The following PARD3 variants were observed in gnomAD, a reference collection of about 807,000 sequenced individuals.
The protein encoded by PARD3 is par-3 family cell polarity regulator, also known as partitioning defective 3 homolog.
Under a neutral mutation model 155.4 loss-of-function variants are expected in PARD3, and 75 were observed. That is an observed-to-expected ratio of 0.48 (90% CI 0.40 to 0.58). The LOEUF is 0.58. PARD3 is among the 20% of genes least tolerant of loss of function. The pLI, the probability that PARD3 is intolerant of heterozygous loss-of-function variation, is 0.00. For synonymous variants in PARD3, 576 were observed against 610.5 expected (o/e 0.94, Z 0.83); for missense variants, 1,642 against 1,721.7 (o/e 0.95, Z 0.82).
At position 34,476,342 on chromosome 10, in the gene PARD3, G is replaced by A. The variant is rs74132023; in HGVS notation, c.404-6079C>T. 7.5e-3 allele frequency among the ~76,000 whole-genome samples: 1,139 copies of A among 152,234 alleles called. 12 individuals are homozygous for A. Among genetic ancestry groups the A allele is most frequent in the African/African-American group, 0.026 (1,069 of 41,536 alleles). On this transcript the variant is annotated intron_variant, in intron 3 of 24. Transcript: ENST00000374788. ...GGTAAAGAATACATTTGGTGCCACCGTCTTGATTTGTGCCAAGTGATCTCT... is the reference window on the plus strand; with the variant it reads ...GGTAAAGAATACATTTGGTGCCACCATCTTGATTTGTGCCAAGTGATCTCT...
At chr10:34,483,636 T>C (rs2079246286) in intron 3 of PARD3, among the ~76,000 whole-genome samples, 1 of 152,150 alleles carries the variant, frequency 6.6e-6, no homozygotes, top group Non-Finnish European at 1.5e-5. Context: ...CCAGATAGAA[T>C]GTAAGACCCA....
intron 1 of PARD3, among the ~76,000 whole-genome samples, chr10:34,768,630 G>A (rs1838431595): frequency 6.6e-6 from 1 of 152,122 alleles, no homozygotes; most frequent in Non-Finnish European, 1.5e-5. Flanking sequence ...AGTGATTTTG[G>A]GGCCCCCAAG....
At chr10:34,262,670 C>T (rs1955086784) in intron 22 of PARD3, among the ~76,000 whole-genome samples, 1 of 152,204 alleles carries the variant, frequency 6.6e-6, no homozygotes, top group African/African-American at 2.4e-5. Context: ...GACGTTCAAG[C>T]TGCCCTATTT....
At chr10:34,382,014 AAAGAC>A (rs974466695) in intron 9 of PARD3, among the ~76,000 whole-genome samples, 2 of 152,002 alleles carry the variant, frequency 1.3e-5, no homozygotes, top group African/African-American at 4.8e-5. Flanking sequence ...CAAGAAAACA[AAAGAC>A]AAGAGTCAAT....
chr10:34,731,099 T>A (rs112469445), intron 1 of PARD3, among the ~76,000 whole-genome samples: 2,985 of 141,180 alleles, frequency 0.021, 99 homozygotes, highest in African/African-American at 0.071. Flanking sequence ...TATAATCATC[T>A]GTTGAATACG....
At chr10:34,716,228 G>T (rs1344168952) in intron 1 of PARD3, among the ~76,000 whole-genome samples, 1 of 152,104 alleles carries the variant, frequency 6.6e-6, no homozygotes, top group Non-Finnish European at 1.5e-5. Context: ...AAGAAATTAT[G>T]GTACATGGTG....
chr10:34,806,128 T>G (rs1434989612), intron 1 of PARD3, among the ~76,000 whole-genome samples: 1 of 151,064 alleles, frequency 6.6e-6, no homozygotes, highest in East Asian at 2.0e-4. Flanking sequence ...ACTCCTGAGC[T>G]CAAGCAATCC....
rs1437136945 is a variant in PARD3, at chr10:34,741,180, T to TTTTTTTTTTG, written c.121-44762_121-44761insCAAAAAAAAA. ...CTGTGTTTTCGTAAACCAAATTTTT[T>TTTTTTTTTTG]TTTTTTTTTTTTTTGTTTGAGAGAG... is the stretch of plus-strand genomic sequence containing the variant. On this transcript the variant is annotated intron_variant, in intron 1 of 24. Coordinates refer to ENST00000374788, the MANE Select transcript of PARD3 (RefSeq NM_001184785.2). Among the ~76,000 whole-genome samples, 5 of 133,912 alleles carry TTTTTTTTTTG rather than the reference T, an allele frequency of 3.7e-5. No individual in the cohort carries two copies. The East Asian group carries it at 8.8e-4, about 24-fold the overall frequency. The allele number at this position is 133,912 out of a possible 152,430, so 87.9% of individuals were successfully genotyped here.
chr10:34,300,365 G>A (rs950103782), intron 20 of PARD3, among the ~76,000 whole-genome samples: 4 of 152,114 alleles, frequency 2.6e-5, no homozygotes, highest in African/African-American at 7.2e-5. Context: ...TCCTAAAAAG[G>A]TAATTTTGGC....
At position 34,111,073 on chromosome 10, in the gene PARD3, T is replaced by C. The variant is rs1946359254; in HGVS notation, c.*96A>G. 6.0e-6 allele frequency: 8 copies of C among 1,333,548 alleles called. No homozygotes were observed. Among genetic ancestry groups the C allele is most frequent in the Non-Finnish European group, 8.2e-6 (8 of 976,142 alleles). The allele number at this position is 1,333,548 out of a possible 1,614,324, so 82.6% of individuals were successfully genotyped here. ...TGATACCAACAACAGAAATACTCCA[T>C]AGTACCATCGAGGTTTTAAAAAAAC... On this transcript the variant is annotated 3_prime_UTR_variant, in exon 25 of 25. Transcript: ENST00000374788.
chr10:34,413,142 T>TACACACACAC lies in PARD3; in HGVS notation c.715-11226_715-11225insGTGTGTGTGT, dbSNP rs1336586740. 1.3e-3 allele frequency among the ~76,000 whole-genome samples: 170 copies of TACACACACAC among 132,544 alleles called. 2 individuals carry two copies. The highest frequency in any genetic ancestry group is 4.0e-3 in the African/African-American group (153 of 38,408). The allele number at this position is 132,544 out of a possible 152,430, so 87.0% of individuals were successfully genotyped here. A position where few individuals can be genotyped will look rare whatever the true frequency, so the allele number is the denominator to read the frequency against. On this transcript the variant is annotated intron_variant, in intron 5 of 24. Transcript: ENST00000374788. ...AACATTAGGCAGTACTTCAGATATATATACACACACACACACACACACACA... is the reference window on the plus strand; with the variant it reads ...AACATTAGGCAGTACTTCAGATATATACACACACACATACACACACACACACACACACACA...
intron 1 of PARD3, among the ~76,000 whole-genome samples, chr10:34,814,155 G>A (rs1384783251): frequency 5.3e-5 from 8 of 152,188 alleles, no homozygotes; most frequent in African/African-American, 1.9e-4. Flanking sequence ...CCAAGGTTGT[G>A]CTTTCCAGAG....
At chr10:34,794,582 T>C (rs1842047598) in intron 1 of PARD3, among the ~76,000 whole-genome samples, 2 of 152,194 alleles carry the variant, frequency 1.3e-5, no homozygotes, top group East Asian at 1.9e-4. Flanking sequence ...GGGGTACTAC[T>C]GCTTATGGAC....
chr10:34,253,771 A>G (rs1954472201), intron 22 of PARD3, among the ~76,000 whole-genome samples: 1 of 152,196 alleles, frequency 6.6e-6, no homozygotes, highest in African/African-American at 2.4e-5. Context: ...TAAAGTGTTC[A>G]TCATATTTAA....
chr10:34,322,853 T>A (rs192606064), intron 19 of PARD3, among the ~76,000 whole-genome samples: 104 of 152,278 alleles, frequency 6.8e-4, no homozygotes, highest in Non-Finnish European at 1.2e-3. Flanking sequence ...TTAGGAATAC[T>A]TAGTAATAGG....
intron 22 of PARD3, among the ~76,000 whole-genome samples, chr10:34,209,545 T>C (rs767061491): frequency 3.3e-5 from 5 of 152,182 alleles, no homozygotes; most frequent in Admixed American, 2.6e-4. Context: ...TAACACCTTT[T>C]ATAAATGGAG....
intron 3 of PARD3, among the ~76,000 whole-genome samples, chr10:34,497,456 G>A (rs61841109): frequency 0.024 from 3,648 of 152,260 alleles, 71 homozygotes; most frequent in Non-Finnish European, 0.034. Context: ...ATCTGCAGGA[G>A]TTCCTGGAAC....
intron 3 of PARD3, among the ~76,000 whole-genome samples, chr10:34,514,661 T>C (rs1224496257): frequency 2.6e-5 from 4 of 152,186 alleles, no homozygotes; most frequent in African/African-American, 4.8e-5. Context: ...ACAACACATA[T>C]GCTTCAAATG....
At chr10:34,225,096 T>G (rs1243852676) in intron 22 of PARD3, among the ~76,000 whole-genome samples, 1 of 152,234 alleles carries the variant, frequency 6.6e-6, no homozygotes, top group African/African-American at 2.4e-5. Context: ...TAGGTCCTAC[T>G]ATGTTTCAGC....
Sources: allele counts gnomAD v4.1 joint callset (sites outside exome capture counted in the v4.1 genomes callset), GRCh38; gene constraint gnomAD v4.1.1; transcripts MANE v1.5; gene names NCBI Gene and HGNC (gene_info 2026-07-23, HGNC 2026-07-21).